The following PWWP3B variants were observed in gnomAD, a reference collection of about 807,000 sequenced individuals.
PWWP3B encodes PWWP domain-containing DNA repair factor 3B.
PWWP3B carries 5 observed loss-of-function variants against 15.7 expected under a neutral mutation model. The ratio of observed to expected loss-of-function variants is 0.32; its 90% CI spans 0.17 to 0.67. The LOEUF is 0.67. PWWP3B is among the 30% of genes least tolerant of loss of function. The probability of loss-of-function intolerance (pLI) is 0.74; values close to 1 mark genes in which losing one functional copy is unlikely to be tolerated. For missense variants in PWWP3B, 519 were observed against 493.1 expected (o/e 1.05, Z -0.50); for synonymous variants, 203 against 179.8 (o/e 1.13, Z -1.03).
chrX:106,177,514 A>G (rs1224088079), intron 2 of PWWP3B, among the ~76,000 whole-genome samples: 1 of 112,764 alleles, frequency 8.9e-6, no homozygotes, highest in East Asian at 2.8e-4. Flanking sequence ...AACGGAATTA[A>G]TCCTCTGAAT....
chrX:106,199,081 CT>C (rs2147629245), intron 2 of PWWP3B, among the ~76,000 whole-genome samples: 1 of 101,705 alleles, frequency 9.8e-6, no homozygotes, highest in South Asian at 4.6e-4. Context: ...CAGAGTCTCG[CT>C]TTGTCGCCCA....
At position 106,207,572 on chromosome X, in the gene PWWP3B, T is replaced by C; in HGVS notation, c.*49T>C. 9.3e-7 allele frequency: 1 copy of C among 1,073,227 alleles called. No individual in the cohort carries two copies. 88.4% of individuals were successfully genotyped at this position (1,073,227 alleles called of 1,213,427 possible). A position where few individuals can be genotyped will look rare whatever the true frequency, so the allele number is the denominator to read the frequency against. On this transcript the variant is annotated 3_prime_UTR_variant, in exon 4 of 4. Coordinates refer to ENST00000357175, the MANE Select transcript of PWWP3B (RefSeq NM_001171020.2). ...ACAGGGAGCTCTCATAGATACTAGT[T>C]GAAAAAAGTCTCTGAACAATTCTCT...
At position 106,206,016 on chromosome X, in the gene PWWP3B, C is replaced by G. The variant is rs1923987482; in HGVS notation, c.584C>G (p.Thr195Ser). 1 of 1,207,508 alleles carries G rather than the reference C, an allele frequency of 8.3e-7. No individual in the cohort carries two copies. Among genetic ancestry groups the G allele is most frequent in the Non-Finnish European group, 1.1e-6 (1 of 893,712 alleles). ...KSLQNSSWCE[T>S]FPSLSEDNDE... The stretch of plus-strand genomic sequence containing the variant: ...TTACAAAACTCTAGCTGGTGCGAGA[C>G]TTTCCCTTCACTTTCGGAAGATAAT... Residue 195 changes from threonine (T) to serine (S), a missense_variant, in exon 4 of 4, where the codon ACT becomes AGT. Thr to Ser is a moderately conservative substitution (Grantham distance 58, BLOSUM62 1). Transcript: ENST00000357175.
chrX:106,204,711 C>A (rs770759076), intron 3 of PWWP3B, among the ~76,000 whole-genome samples: 1 of 112,008 alleles, frequency 8.9e-6, no homozygotes, highest in South Asian at 3.7e-4. Flanking sequence ...TCAAAGAGTT[C>A]TTTTTAAACA....
intron 2 of PWWP3B, among the ~76,000 whole-genome samples, chrX:106,195,049 T>C (rs925919911): frequency 1.8e-5 from 2 of 111,783 alleles, no homozygotes; most frequent in Non-Finnish European, 3.8e-5. Context: ...GAACCACTAC[T>C]CTCTTCAAAG....
chrX:106,206,332 G>A lies in PWWP3B; in HGVS notation c.900G>A (p.Met300Ile). Residue 300 changes from methionine (M) to isoleucine (I), a missense_variant, in exon 4 of 4, where the codon ATG (methionine) becomes ATA (isoleucine). Physicochemically the swap from Met to Ile is conservative, Grantham distance 10 (BLOSUM62 1). Coordinates refer to ENST00000357175, the MANE Select transcript of PWWP3B (RefSeq NM_001171020.2). ...CLDTSQNQPS[M>I]ESEMGAAACP... ...ATACCAGCCAGAATCAACCTTCCAT[G>A]GAATCAGAGATGGGGGCTGCAGCAT... 5 of 1,203,033 alleles carry A rather than the reference G, an allele frequency of 4.2e-6. No homozygotes were observed. Among genetic ancestry groups the A allele is most frequent in the Non-Finnish European group, 5.6e-6 (5 of 890,727 alleles).
At chrX:106,187,330 A>G (rs1418315136) in intron 2 of PWWP3B, among the ~76,000 whole-genome samples, 1 of 111,715 alleles carries the variant, frequency 9.0e-6, no homozygotes, top group Non-Finnish European at 1.9e-5. Flanking sequence ...TATTCCTTTA[A>G]AAAATGTTTC....
chrX:106,183,467 T>C (rs769116474), intron 2 of PWWP3B, among the ~76,000 whole-genome samples: 1 of 111,822 alleles, frequency 8.9e-6, no homozygotes, highest in Admixed American at 9.5e-5. Context: ...TGCCCAGACT[T>C]CAAGGTTGAT....
chrX:106,168,782 A>G (rs142316799), intron 1 of PWWP3B, among the ~76,000 whole-genome samples: 54 of 112,190 alleles, frequency 4.8e-4, no homozygotes, highest in African/African-American at 1.7e-3. Context: ...TATTACTTTG[A>G]ATGTGTTGTG....
chrX:106,174,813 C>T (rs1602820754), intron 2 of PWWP3B, among the ~76,000 whole-genome samples: 1 of 110,925 alleles, frequency 9.0e-6, no homozygotes, highest in African/African-American at 3.3e-5. Flanking sequence ...TTTGGGAGGC[C>T]GAGGCAGGCA....
chrX:106,181,616 C>T (rs150752773), intron 2 of PWWP3B, among the ~76,000 whole-genome samples: 1,542 of 111,972 alleles, frequency 0.014, 10 homozygotes, highest in Non-Finnish European at 0.02. Flanking sequence ...TCTCAATCCC[C>T]GCTCTAAACA....
At chrX:106,177,914 G>T (rs980492223) in intron 2 of PWWP3B, among the ~76,000 whole-genome samples, 6 of 112,117 alleles carry the variant, frequency 5.4e-5, no homozygotes, top group South Asian at 3.7e-4. Context: ...GATTATGGAA[G>T]TTTTTTTAAA....
rs949464088 is a variant in PWWP3B, at chrX:106,208,542, G to T, written c.*1019G>T. ...GCTTTATCAAAATGGCTTATTTGCA[G>T]AATAGTTCCAATGATATAAATGCCA... On this transcript the variant is annotated 3_prime_UTR_variant, in exon 4 of 4. Transcript: ENST00000357175. 1.6e-5 allele frequency: 2 copies of T among 124,084 alleles called. No homozygotes were observed. Among genetic ancestry groups the T allele is most frequent in the Admixed American group, 1.9e-4 (2 of 10,633 alleles). 10.2% of individuals were successfully genotyped at this position (124,084 alleles called of 1,213,427 possible).
rs1363272838 is a variant in PWWP3B, at chrX:106,205,888, A to G, written c.456A>G (p.Ala152=). ...PGCLEERENS[A]CLLASSESDD... is the part of the protein sequence containing the mutation. Reference sequence around the variant, plus strand: ...GTCTTGAGGAAAGGGAAAACTCAGCATGCTTGTTAGCATCTTCAGAGAGTG... The same window carrying G: ...GTCTTGAGGAAAGGGAAAACTCAGCGTGCTTGTTAGCATCTTCAGAGAGTG... The change falls in exon 4 of 4, where the codon GCA becomes GCG. Residue 152 remains alanine (A), a synonymous_variant. Coordinates refer to ENST00000357175, the MANE Select transcript of PWWP3B (RefSeq NM_001171020.2). 1 of 1,211,497 alleles carries G rather than the reference A, an allele frequency of 8.3e-7. No individual in the cohort carries two copies. The highest frequency in any genetic ancestry group is 1.1e-6 in the Non-Finnish European group (1 of 895,307).
intron 2 of PWWP3B, among the ~76,000 whole-genome samples, chrX:106,172,466 T>G (rs1363608299): frequency 9.0e-6 from 1 of 111,129 alleles, no homozygotes; most frequent in Admixed American, 9.6e-5. Context: ...AATTTTTTAT[T>G]TTTTTTCTTT....
At chrX:106,171,773 TA>T (rs1366096671) in intron 2 of PWWP3B, among the ~76,000 whole-genome samples, 2 of 110,314 alleles carry the variant, frequency 1.8e-5, no homozygotes, top group Non-Finnish European at 3.8e-5. Context: ...TACTGAATAC[TA>T]TAAGCAGTTG....
intron 1 of PWWP3B, among the ~76,000 whole-genome samples, chrX:106,169,372 C>T (rs1280198384): frequency 1.8e-5 from 2 of 111,757 alleles, no homozygotes; most frequent in East Asian, 5.6e-4. Context: ...AAATGTATGC[C>T]GTGAACAACT....
intron 2 of PWWP3B, among the ~76,000 whole-genome samples, chrX:106,196,622 A>G (rs1033410383): frequency 8.9e-6 from 1 of 111,796 alleles, no homozygotes; most frequent in Non-Finnish European, 1.9e-5. Context: ...TGAACCATCC[A>G]TACATTCCCA....
intron 3 of PWWP3B, among the ~76,000 whole-genome samples, chrX:106,204,847 G>A (rs1459146613): frequency 9.0e-6 from 1 of 111,641 alleles, no homozygotes; most frequent in African/African-American, 3.3e-5. Flanking sequence ...TCTGACACAT[G>A]TTAAGTTTGG....
Sources: gnomAD v4.1 joint callset for allele counts (sites outside exome capture counted in the v4.1 genomes callset) on GRCh38, gnomAD v4.1.1 for gene constraint, MANE v1.5 for transcripts, NCBI Gene and HGNC (gene_info 2026-07-23, HGNC 2026-07-21) for gene names.